Variants in PLXNA4 observed in about 807,000 individuals in gnomAD.
PLXNA4 encodes the protein plexin-A4.
In PLXNA4, 44 loss-of-function variants were observed where a neutral mutation model predicts 191.8. The ratio of observed to expected loss-of-function variants is 0.23; its 90% CI spans 0.18 to 0.29. PLXNA4 has a LOEUF of 0.29. Among genes scored for constraint, PLXNA4 ranks in the 10% least tolerant of loss-of-function variants. The pLI is 1.00. For missense variants in PLXNA4, 1,800 were observed against 2,488.8 expected (o/e 0.72, Z 5.89); for synonymous variants, 1,082 against 1,009.5 (o/e 1.07, Z -1.36).
intron 2 of PLXNA4, among the ~76,000 whole-genome samples, chr7:132,499,701 A>G (rs1454116224): frequency 6.6e-6 from 1 of 152,204 alleles, no homozygotes; most frequent in Non-Finnish European, 1.5e-5. Flanking sequence ...GGGGTAGGTC[A>G]TTCCCTCATT....
intron 4 of PLXNA4, among the ~76,000 whole-genome samples, chr7:132,293,006 G>T (rs1287870778): frequency 6.6e-6 from 1 of 152,168 alleles, no homozygotes; most frequent in African/African-American, 2.4e-5. Flanking sequence ...CAGAACAAAG[G>T]CCTGTTTGCT....
At chr7:132,568,555 G>A (rs1476550405) in intron 1 of PLXNA4, among the ~76,000 whole-genome samples, 2 of 152,144 alleles carry the variant, frequency 1.3e-5, no homozygotes, top group Admixed American at 6.5e-5. Context: ...CAAATCTGCT[G>A]AGTCCCACCT....
intron 3 of PLXNA4, among the ~76,000 whole-genome samples, chr7:132,332,683 TA>T (rs772279351): frequency 0.041 from 5,875 of 142,656 alleles, 156 homozygotes; most frequent in Middle Eastern, 0.071. Context: ...ACCCCATTTC[TA>T]AAAAAAAAAA....
At chr7:132,208,278 T>G (rs1797690507) in intron 10 of PLXNA4, among the ~76,000 whole-genome samples, 1 of 152,244 alleles carries the variant, frequency 6.6e-6, no homozygotes, top group African/African-American at 2.4e-5. Flanking sequence ...AGGGCTGCAT[T>G]CTACTGTCTG....
intron 4 of PLXNA4, among the ~76,000 whole-genome samples, chr7:132,252,274 T>C (rs1799275850): frequency 6.6e-6 from 1 of 150,542 alleles, no homozygotes; most frequent in Non-Finnish European, 1.5e-5. Flanking sequence ...GAAAGGACAA[T>C]TGTTAAAATG....
In PLXNA4 at chr7:132,137,346, G is replaced by A. The variant is rs1237494431; in HGVS notation, c.5438+3253C>T. ...CTTCTTAAAAGCTGACTGATGGCAAGTGAGTGAGGCCAATGTTGCTGCAAG... is the reference window on the plus strand; with the variant it reads ...CTTCTTAAAAGCTGACTGATGGCAAATGAGTGAGGCCAATGTTGCTGCAAG... On this transcript the variant is annotated intron_variant, in intron 30 of 31. Coordinates refer to ENST00000321063, the MANE Select transcript of PLXNA4 (RefSeq NM_020911.2). 2.6e-5 allele frequency among the ~76,000 whole-genome samples: 4 copies of A among 152,244 alleles called. No homozygotes were observed. In the East Asian group the frequency reaches 5.8e-4, roughly 22 times the overall value.
chr7:132,610,383 C>T (rs1435968663), intron 2 of PLXNA4, among the ~76,000 whole-genome samples: 1 of 152,200 alleles, frequency 6.6e-6, no homozygotes, highest in Non-Finnish European at 1.5e-5. Context: ...TCTGCTATTG[C>T]TGCTGCTGCA....
At chr7:132,496,492 G>A (rs1386494656) in intron 2 of PLXNA4, among the ~76,000 whole-genome samples, 2 of 151,978 alleles carry the variant, frequency 1.3e-5, no homozygotes, top group Non-Finnish European at 2.9e-5. Context: ...ACCTCCACCC[G>A]CCAGGTTCAA....
chr7:132,220,626 T>G (rs1352602425), intron 9 of PLXNA4, among the ~76,000 whole-genome samples: 1 of 151,792 alleles, frequency 6.6e-6, no homozygotes, highest in African/African-American at 2.4e-5. Flanking sequence ...TCCTCCAGAC[T>G]AATTCCTTTC....
chr7:132,209,381 T>C (rs1408596512), intron 10 of PLXNA4, among the ~76,000 whole-genome samples: 1 of 152,180 alleles, frequency 6.6e-6, no homozygotes, highest in East Asian at 1.9e-4. Flanking sequence ...TCTCTTTCTA[T>C]AGGGAGGGTC....
At chr7:132,365,358 T>TGC (rs1554424500) in intron 3 of PLXNA4, among the ~76,000 whole-genome samples, 8,419 of 133,414 alleles carry the variant, frequency 0.063, 259 homozygotes, top group Non-Finnish European at 0.076. Flanking sequence ...TGTGTGTGTG[T>TGC]GTGCGTGCGC....
intron 20 of PLXNA4, 77 bp downstream of exon 20, chr7:132,179,610 A>G: frequency 6.4e-7 from 1 of 1,553,470 alleles, no homozygotes; most frequent in South Asian, 1.2e-5. Context: ...ATATGCATAC[A>G]CATACACAGA....
chr7:132,492,426 C>T (rs1585216775), intron 2 of PLXNA4, among the ~76,000 whole-genome samples: 1 of 152,248 alleles, frequency 6.6e-6, no homozygotes, highest in African/African-American at 2.4e-5. Flanking sequence ...ACCTGTGACT[C>T]TCTTCCTCTG....
chr7:132,375,096 T>C (rs1804604347), intron 3 of PLXNA4, among the ~76,000 whole-genome samples: 1 of 152,206 alleles, frequency 6.6e-6, no homozygotes, highest in African/African-American at 2.4e-5. Context: ...CCCCATTTCA[T>C]CTATGTGCCT....
intron 3 of PLXNA4, among the ~76,000 whole-genome samples, chr7:132,485,253 C>T (rs1035199564): frequency 5.9e-5 from 9 of 152,190 alleles, no homozygotes; most frequent in Non-Finnish European, 1.0e-4. Context: ...CAGAGTTCCG[C>T]TTAACCAACA....
chr7:132,457,106 C>A (rs981077911), intron 3 of PLXNA4, among the ~76,000 whole-genome samples: 5 of 152,110 alleles, frequency 3.3e-5, no homozygotes, highest in East Asian at 3.8e-4. Flanking sequence ...CAAAGTTAAC[C>A]CAAAGATTCC....
intron 4 of PLXNA4, among the ~76,000 whole-genome samples, chr7:132,283,658 G>C (rs1800572243): frequency 6.6e-6 from 1 of 152,202 alleles, no homozygotes; most frequent in Admixed American, 6.5e-5. Flanking sequence ...CCAAGGAAAA[G>C]GTAGAGGAAA....
chr7:132,218,174 C>G (rs1005832694), intron 9 of PLXNA4, among the ~76,000 whole-genome samples: 3 of 152,164 alleles, frequency 2.0e-5, no homozygotes, highest in Non-Finnish European at 4.4e-5. Flanking sequence ...CTCTTCAGTC[C>G]TGGAGAGGAC....
chr7:132,162,868 G>T (rs1225511625), intron 24 of PLXNA4, among the ~76,000 whole-genome samples: 1 of 152,092 alleles, frequency 6.6e-6, no homozygotes, highest in South Asian at 2.1e-4. Flanking sequence ...AGCAGGGATG[G>T]CTTTGTTCAG....
Sources: allele counts gnomAD v4.1 joint callset (sites outside exome capture counted in the v4.1 genomes callset), GRCh38; gene constraint gnomAD v4.1.1; transcripts MANE v1.5; gene names NCBI Gene and HGNC (gene_info 2026-07-23, HGNC 2026-07-21).